The following FAM171B variants were observed in gnomAD, a reference collection of about 807,000 sequenced individuals.
FAM171B encodes the protein protein FAM171B.
In FAM171B, 19 loss-of-function variants were observed where a neutral mutation model predicts 75.6. The ratio of observed to expected loss-of-function variants is 0.25; its 90% CI spans 0.18 to 0.37. FAM171B has a LOEUF of 0.37. Ranked by LOEUF, FAM171B falls within the 10% of genes least tolerant of loss-of-function variation. The pLI is 1.00. For missense variants in FAM171B, 848 were observed against 982.4 expected (o/e 0.86, Z 1.83); for synonymous variants, 367 against 361.7 (o/e 1.01, Z -0.17).
At chr2:186,717,664 T>C (rs1165690287) in intron 1 of FAM171B, among the ~76,000 whole-genome samples, 5 of 152,098 alleles carry the variant, frequency 3.3e-5, no homozygotes, top group South Asian at 4.1e-4. Flanking sequence ...ATTTTTTCTC[T>C]CTCTGCCTGG....
chr2:186,743,444 A>G (rs748874709), intron 2 of FAM171B, 39 bp from the exon 3 acceptor site: 2 of 1,439,952 alleles, frequency 1.4e-6, no homozygotes, highest in Non-Finnish European at 1.9e-6. Flanking sequence ...TTTTCCCCTC[A>G]CATTAAGTAA....
intron 1 of FAM171B, chr2:186,695,166 G>A (rs1672781159): frequency 6.6e-6 from 1 of 152,214 alleles, no homozygotes. Flanking sequence ...CTTGTTAGTA[G>A]AACTTAAATG....
intron 1 of FAM171B, among the ~76,000 whole-genome samples, chr2:186,724,278 C>G (rs1689999093): frequency 6.6e-6 from 1 of 152,090 alleles, no homozygotes; most frequent in African/African-American, 2.4e-5. Flanking sequence ...TCCAGCTTGT[C>G]AAGACTTCTT....
intron 1 of FAM171B, among the ~76,000 whole-genome samples, chr2:186,714,143 C>G (rs529247901): frequency 4.3e-4 from 65 of 150,276 alleles, no homozygotes; most frequent in African/African-American, 1.5e-3. Context: ...TTAATACTTA[C>G]CTCAAAGGAG....
intron 1 of FAM171B, among the ~76,000 whole-genome samples, chr2:186,696,785 T>C (rs1352940042): frequency 6.6e-6 from 1 of 152,120 alleles, no homozygotes; most frequent in Admixed American, 6.6e-5. Context: ...GACCAGGTGT[T>C]TAAAATAGTA....
At chr2:186,754,389 A>G (rs1051218508) in intron 6 of FAM171B, among the ~76,000 whole-genome samples, 2 of 152,192 alleles carry the variant, frequency 1.3e-5, no homozygotes, top group East Asian at 1.9e-4. Flanking sequence ...ATTTAAAAAT[A>G]TGCTATATTA....
intron 1 of FAM171B, among the ~76,000 whole-genome samples, chr2:186,724,189 G>A (rs1173381531): frequency 1.3e-5 from 2 of 152,106 alleles, no homozygotes; most frequent in Non-Finnish European, 2.9e-5. Context: ...CGGCTTCTGG[G>A]AATGTGGCCC....
chr2:186,711,196 T>C (rs558802095), intron 1 of FAM171B, among the ~76,000 whole-genome samples: 1 of 152,348 alleles, frequency 6.6e-6, no homozygotes, highest in Non-Finnish European at 1.5e-5. Flanking sequence ...ACTTTACTTA[T>C]ATTAATATTA....
intron 1 of FAM171B, among the ~76,000 whole-genome samples, chr2:186,714,095 T>C (rs1165165152): frequency 6.6e-6 from 1 of 151,314 alleles, no homozygotes; most frequent in African/African-American, 2.4e-5. Flanking sequence ...AACAGTCTTT[T>C]TAGAATTCTG....
chr2:186,726,353 C>G (rs369292646), intron 1 of FAM171B, among the ~76,000 whole-genome samples: 1 of 152,006 alleles, frequency 6.6e-6, no homozygotes, highest in East Asian at 1.9e-4. Flanking sequence ...GAAAAGGAGG[C>G]TTTTCTATTT....
In FAM171B at chr2:186,761,612, A is replaced by G. The variant is rs763021142; in HGVS notation, c.1270A>G (p.Lys424Glu). 5.0e-6 allele frequency: 8 copies of G among 1,613,376 alleles called. No homozygotes were observed. In the South Asian group the frequency reaches 8.8e-5, roughly 18 times the overall value. The stretch of plus-strand genomic sequence containing the variant: ...TAAAGTTGCATTAAAAGCTGAGGAC[A>G]AGTCGCAGTTATTCAATGCCAAAAA... ...TVKVALKAEDKSQLFNAKNSS... is the reference protein window; with the variant it reads ...TVKVALKAEDESQLFNAKNSS... The change falls in exon 8 of 8, where the codon AAG (lysine) becomes GAG (glutamate). Residue 424 changes from lysine (K) to glutamate (E), a missense_variant. This residue lies in a region of FAM171B where 665 missense variants were observed against 729.0 expected (regional missense o/e 0.91). Transcript: ENST00000304698.
At chr2:186,736,390 A>G (rs1690198828) in intron 1 of FAM171B, among the ~76,000 whole-genome samples, 1 of 152,212 alleles carries the variant, frequency 6.6e-6, no homozygotes. Flanking sequence ...AAACAACATT[A>G]TCTCTTCCAT....
intron 1 of FAM171B, among the ~76,000 whole-genome samples, chr2:186,697,619 T>C (rs1192088570): frequency 6.6e-6 from 1 of 152,196 alleles, no homozygotes; most frequent in East Asian, 1.9e-4. Flanking sequence ...TAGCTGTGAT[T>C]GAGCTTGCAT....
At chr2:186,760,222 C>T (rs540725668) in intron 6 of FAM171B, among the ~76,000 whole-genome samples, 2 of 152,188 alleles carry the variant, frequency 1.3e-5, no homozygotes, top group South Asian at 4.1e-4. Context: ...AAGCTTATCA[C>T]AATGGCATTC....
At chr2:186,749,026 C>T (rs2105789064) in intron 4 of FAM171B, among the ~76,000 whole-genome samples, 1 of 152,234 alleles carries the variant, frequency 6.6e-6, no homozygotes, top group Admixed American at 6.5e-5. Flanking sequence ...TTTTGATTAT[C>T]CTGAGAATGC....
rs774583269 is a variant in FAM171B, at chr2:186,762,707, T to C, written c.2365T>C (p.Phe789Leu). The C allele has an allele frequency of 1.2e-6, 2 of 1,612,346 alleles. No homozygotes were observed. The highest frequency in any genetic ancestry group is 1.7e-6 in the Non-Finnish European group (2 of 1,179,534). ...SPGRKSTVEDFEANTSPTKRR... is the reference protein window; with the variant it reads ...SPGRKSTVEDLEANTSPTKRR... ...AGGAAGGAAAAGCACTGTTGAAGATTTTGAAGCTAATACATCCCCCACTAA... is the reference window on the plus strand; with the variant it reads ...AGGAAGGAAAAGCACTGTTGAAGATCTTGAAGCTAATACATCCCCCACTAA... The change falls in exon 8 of 8, where the codon TTT becomes CTT. Residue 789 changes from phenylalanine to leucine, a missense_variant. Physicochemically the swap from Phe to Leu is conservative, Grantham distance 22. This residue lies in a region of FAM171B where 136 missense variants were observed against 159.3 expected (regional missense o/e 0.85). Coordinates refer to ENST00000304698, the MANE Select transcript of FAM171B (RefSeq NM_177454.4). This position sits in a 1 kb window ranked among gnomAD's most constrained non-coding sequence, Gnocchi z 4.0.
At chr2:186,702,625 T>C (rs1284761245) in intron 1 of FAM171B, among the ~76,000 whole-genome samples, 1 of 152,210 alleles carries the variant, frequency 6.6e-6, no homozygotes, top group Non-Finnish European at 1.5e-5. Flanking sequence ...ATAAGGCCAG[T>C]TTATTTGGGC....
chr2:186,744,467 G>A (rs2105787419), intron 3 of FAM171B, among the ~76,000 whole-genome samples: 1 of 152,302 alleles, frequency 6.6e-6, no homozygotes, highest in South Asian at 2.1e-4. Context: ...TTTACTGAGT[G>A]AGGCTGTAGA....
intron 2 of FAM171B, 99 bp from the exon 3 acceptor site, chr2:186,743,384 C>A: frequency 4.1e-6 from 3 of 730,942 alleles, no homozygotes; most frequent in South Asian, 3.8e-5. Context: ...TTCCCCCCCA[C>A]AACACACTTT....
Sources: allele counts gnomAD v4.1 joint callset (sites outside exome capture counted in the v4.1 genomes callset), GRCh38; gene constraint gnomAD v4.1.1; regional missense constraint gnomAD v4.1.1; non-coding constraint Gnocchi (gnomAD v3.1); transcripts MANE v1.5; gene names NCBI Gene and HGNC (gene_info 2026-07-23, HGNC 2026-07-21).